ATL1: variants seen among roughly 807,000 people sequenced by gnomAD.
ATL1 encodes the protein atlastin-1.
ATL1 carries 31 observed loss-of-function variants against 75.5 expected under a neutral mutation model. The ratio of observed to expected loss-of-function variants is 0.41; its 90% CI spans 0.31 to 0.55. The LOEUF (loss-of-function observed/expected upper bound fraction) is 0.55, where lower values mean the gene tolerates loss of function less well. Ranked by LOEUF, ATL1 falls within the 20% of genes least tolerant of loss-of-function variation. The pLI is 0.27. For synonymous variants in ATL1, 226 were observed against 233.3 expected, an observed-to-expected ratio of 0.97 and a Z score of 0.28; for missense variants, 405 against 662.6, an observed-to-expected ratio of 0.61 and a Z score of 4.27.
intron 1 of ATL1, among the ~76,000 whole-genome samples, chr14:50,574,018 AGACT>A (rs2038978709): frequency 6.6e-6 from 1 of 152,064 alleles, no homozygotes; most frequent in Non-Finnish European, 1.5e-5. Context: ...CTGGGGAAGG[AGACT>A]GACTGATAAC....
At chr14:50,581,743 G>T (rs555809809) in intron 1 of ATL1, among the ~76,000 whole-genome samples, 1 of 152,060 alleles carries the variant, frequency 6.6e-6, no homozygotes, top group African/African-American at 2.4e-5. Flanking sequence ...CAGTACCTAG[G>T]CTATTTGGTA....
At chr14:50,540,696 A>G (rs953812642) in intron 1 of ATL1, among the ~76,000 whole-genome samples, 1 of 152,200 alleles carries the variant, frequency 6.6e-6, no homozygotes, top group Non-Finnish European at 1.5e-5. Context: ...TCCACTCTGG[A>G]GTTATTTTTC....
chr14:50,621,914 G>C lies in ATL1; in HGVS notation c.1047+15G>C. The C allele has an allele frequency of 1.3e-6, 2 of 1,573,108 alleles. No individual in the cohort carries two copies. Among genetic ancestry groups the C allele is most frequent in the Non-Finnish European group, 1.7e-6 (2 of 1,143,766 alleles). ...CCATGTTACAGGTATTTATTAATGAGGAGGCATGTTTTAAGACACGTGACT... is the reference window on the plus strand; with the variant it reads ...CCATGTTACAGGTATTTATTAATGACGAGGCATGTTTTAAGACACGTGACT... On this transcript the variant is annotated intron_variant, in intron 10 of 13. Transcript: ENST00000358385.
In ATL1 at chr14:50,628,417, G is replaced by A; in HGVS notation, c.1506G>A (p.Glu502=). 1 of 1,614,120 alleles carries A rather than the reference G, an allele frequency of 6.2e-7. No homozygotes were observed. Among genetic ancestry groups the A allele is most frequent in the Non-Finnish European group, 8.5e-7 (1 of 1,180,032 alleles). Residue 502 remains glutamate (E), a synonymous_variant, in exon 12 of 14, where the codon GAG becomes GAA. Transcript: ENST00000358385. ...TCCGGTACTCTGGAGAATACCGAGA[G>A]CTGGGAGCTGTAATAGACCAGGTGG... The part of the protein sequence containing the change: ...AYIRYSGEYR[E]LGAVIDQVAA...
intron 1 of ATL1, among the ~76,000 whole-genome samples, chr14:50,572,557 A>G (rs2038964038): frequency 6.6e-6 from 1 of 151,926 alleles, no homozygotes; most frequent in Admixed American, 6.6e-5. Context: ...ATCTTTTATC[A>G]TGTGATTTCT....
At chr14:50,549,270 A>G (rs1207740812) in intron 1 of ATL1, among the ~76,000 whole-genome samples, 2 of 152,212 alleles carry the variant, frequency 1.3e-5, no homozygotes, top group Non-Finnish European at 2.9e-5. Flanking sequence ...TACTGACACC[A>G]TATAACCATA....
chr14:50,572,581 CTATT>C (rs1430514104), intron 1 of ATL1, among the ~76,000 whole-genome samples: 2 of 151,564 alleles, frequency 1.3e-5, no homozygotes, highest in African/African-American at 2.4e-5. Context: ...TTTTTCTTTT[CTATT>C]TATTTAATTT....
Position 50,594,420 on chromosome 14 carries a change from C to T in ATL1, c.573+524C>T, listed in dbSNP as rs185386078. On this transcript the variant is annotated intron_variant, in intron 5 of 13. Coordinates refer to ENST00000358385, the MANE Select transcript of ATL1 (RefSeq NM_015915.5). ...ACCATATCAATAAGTAACTACCTTT[C>T]TCCCTAATTTAACATCAAATTTAAT... Among the ~76,000 whole-genome samples the T allele has an allele frequency of 3.2e-3, 487 of 152,202 alleles. 1 individual carries two copies. Among genetic ancestry groups the T allele is most frequent in the Non-Finnish European group, 4.8e-3 (324 of 68,008 alleles).
At chr14:50,623,961 A>G (rs1269695457) in intron 11 of ATL1, among the ~76,000 whole-genome samples, 2 of 152,216 alleles carry the variant, frequency 1.3e-5, no homozygotes, top group Non-Finnish European at 2.9e-5. Flanking sequence ...AGGCTGAAGC[A>G]GGGTAATTGC....
intron 1 of ATL1, chr14:50,561,169 G>A (rs1009939652): frequency 6.6e-6 from 1 of 152,238 alleles, no homozygotes; most frequent in South Asian, 2.1e-4. Context: ...CGGGCGCAGC[G>A]ATGCGGAAGA....
Position 50,536,227 on chromosome 14 carries a change from C to T in ATL1, c.-140+2860C>T, listed in dbSNP as rs148413607. 2.0e-5 allele frequency among the ~76,000 whole-genome samples: 3 copies of T among 152,294 alleles called. No homozygotes were observed. In the East Asian group the frequency reaches 5.8e-4, roughly 29 times the overall value. On this transcript the variant is annotated intron_variant, in intron 1 of 13. Transcript: ENST00000441560. ...TGGGAGGCCAAGGTGGGCGGATCAT[C>T]TGAGGTCGGGAGTTTGAGACCAGCC...
Position 50,593,858 on chromosome 14 carries a change from T to C in ATL1, c.535T>C (p.Ser179Pro), listed in dbSNP as rs747271323. The change falls in exon 5 of 14, where the codon TCC becomes CCC. Residue 179 changes from serine (S) to proline (P), a missense_variant. This residue lies in a region of ATL1 where 59 missense variants were observed against 161.4 expected (regional missense o/e 0.37). Transcript: ENST00000358385. ...MISSIQVYNL[S>P]QNVQEDDLQH... is the part of the protein sequence containing the mutation. ...TTTCTTTATCAAGGTATATAACTTATCCCAAAATGTCCAGGAGGATGATCT... is the reference window on the plus strand; with the variant it reads ...TTTCTTTATCAAGGTATATAACTTACCCCAAAATGTCCAGGAGGATGATCT... 3 of 1,604,390 alleles carry C rather than the reference T, an allele frequency of 1.9e-6. No homozygotes were observed. Among genetic ancestry groups the C allele is most frequent in the African/African-American group, 1.3e-5 (1 of 74,876 alleles).
intron 1 of ATL1, among the ~76,000 whole-genome samples, chr14:50,574,949 A>G (rs1047649677): frequency 3.1e-5 from 4 of 128,178 alleles, no homozygotes; most frequent in South Asian, 2.4e-4. Context: ...ATATATATAT[A>G]TATATATATA....
chr14:50,624,086 G>A (rs139419961), intron 11 of ATL1, among the ~76,000 whole-genome samples: 82 of 152,106 alleles, frequency 5.4e-4, no homozygotes, highest in African/African-American at 1.7e-3. Flanking sequence ...TTAAAATTGC[G>A]TTCAAATTGA....
At chr14:50,600,804 A>G (rs773764844) in intron 6 of ATL1, among the ~76,000 whole-genome samples, 87 of 152,168 alleles carry the variant, frequency 5.7e-4, no homozygotes, top group Non-Finnish European at 1.1e-3. Context: ...ATAATTTTAT[A>G]TTAAAATTAA....
At chr14:50,549,788 C>T (rs1402659241) in intron 1 of ATL1, among the ~76,000 whole-genome samples, 3 of 152,166 alleles carry the variant, frequency 2.0e-5, no homozygotes, top group Non-Finnish European at 2.9e-5. Context: ...CTTTTAAAAA[C>T]CCAATTACAT....
At chr14:50,614,547 A>G (rs1490855636) in intron 8 of ATL1, 36 bp downstream of exon 8, 1 of 1,605,940 alleles carries the variant, frequency 6.2e-7, no homozygotes, top group Admixed American at 1.7e-5. Context: ...TGCATCACTT[A>G]GTCTGATTAT....
intron 13 of ATL1, among the ~76,000 whole-genome samples, chr14:50,631,273 C>A (rs4901045): frequency 0.64 from 82,503 of 128,370 alleles, 23,173 homozygotes; most frequent in East Asian, 0.78. Flanking sequence ...AAGTAAAAAA[C>A]AAAAACAAAA....
intron 1 of ATL1, among the ~76,000 whole-genome samples, chr14:50,540,937 C>T (rs2038552827): frequency 6.6e-6 from 1 of 152,166 alleles, no homozygotes; most frequent in Admixed American, 6.5e-5. Context: ...CTCCTCTTGG[C>T]TTGTGCAATA....
Sources: allele counts gnomAD v4.1 joint callset (sites outside exome capture counted in the v4.1 genomes callset), GRCh38; gene constraint gnomAD v4.1.1; regional missense constraint gnomAD v4.1.1; transcripts MANE v1.5; gene names NCBI Gene and HGNC (gene_info 2026-07-23, HGNC 2026-07-21).